TTLL7: variants seen among roughly 807,000 people sequenced by gnomAD.
TTLL7 encodes tubulin polyglutamylase TTLL7.
A neutral mutation model predicts 120.2 loss-of-function variants in TTLL7; 53 were observed. The ratio of observed to expected loss-of-function variants is 0.44; its 90% confidence interval spans 0.35 to 0.55. The LOEUF is 0.55. Ranked by LOEUF, TTLL7 falls within the 20% of genes least tolerant of loss-of-function variation. The pLI is 0.00. For synonymous variants in TTLL7, 353 were observed against 351.7 expected, an observed-to-expected ratio of 1.00 and a Z score of -0.04; for missense variants, 803 against 1,054.7, an observed-to-expected ratio of 0.76 and a Z score of 3.31.
At chr1:83,977,643 A>G (rs985412869) in intron 1 of TTLL7, among the ~76,000 whole-genome samples, 1 of 152,134 alleles carries the variant, frequency 6.6e-6, no homozygotes, top group Admixed American at 6.6e-5. Flanking sequence ...ATGATGTCCA[A>G]AGTAGGTAAA....
chr1:83,883,414 T>C (rs1654699740), intron 19 of TTLL7, among the ~76,000 whole-genome samples: 1 of 151,942 alleles, frequency 6.6e-6, no homozygotes. Flanking sequence ...TGTCTCACTA[T>C]GTTGCCCAGA....
chr1:83,916,424 A>C (rs1658192326), intron 14 of TTLL7, among the ~76,000 whole-genome samples: 1 of 146,376 alleles, frequency 6.8e-6, no homozygotes, highest in Non-Finnish European at 1.5e-5. Context: ...TCTCACTCAT[A>C]GGTGGGAATT....
chr1:83,968,302 T>C (rs1225504318), intron 1 of TTLL7, among the ~76,000 whole-genome samples: 1 of 151,966 alleles, frequency 6.6e-6, no homozygotes. Context: ...AATCCAAAAA[T>C]GAGGTTGCCT....
At chr1:83,965,125 A>T (rs942423980) in intron 1 of TTLL7, among the ~76,000 whole-genome samples, 1 of 151,590 alleles carries the variant, frequency 6.6e-6, no homozygotes, top group African/African-American at 2.4e-5. Context: ...ATTTTTTTTT[A>T]AAATAGACTT....
At chr1:83,891,387 T>C (rs77531191) in intron 18 of TTLL7, among the ~76,000 whole-genome samples, 6,338 of 152,158 alleles carry the variant, frequency 0.042, 156 homozygotes, top group Middle Eastern at 0.099. Context: ...TCCATGTAGC[T>C]GACAAAAATT....
intron 1 of TTLL7, among the ~76,000 whole-genome samples, chr1:83,993,918 C>T (rs1320359583): frequency 6.6e-6 from 1 of 152,164 alleles, no homozygotes; most frequent in Non-Finnish European, 1.5e-5. Context: ...AATACTCAAG[C>T]TTATTTAAGT....
At chr1:83,907,054 T>G (rs1205177686) in intron 16 of TTLL7, among the ~76,000 whole-genome samples, 1 of 152,072 alleles carries the variant, frequency 6.6e-6, no homozygotes, top group Non-Finnish European at 1.5e-5. Context: ...ACTTAAGTGC[T>G]CTAAGGAGAA....
intron 10 of TTLL7, among the ~76,000 whole-genome samples, chr1:83,925,576 A>C (rs1005996412): frequency 3.3e-5 from 5 of 152,188 alleles, no homozygotes; most frequent in African/African-American, 9.6e-5. Flanking sequence ...TGGAGAAATA[A>C]AGTGATAGTC....
chr1:83,990,808 A>AG (rs1390945970), intron 1 of TTLL7, among the ~76,000 whole-genome samples: 1 of 152,190 alleles, frequency 6.6e-6, no homozygotes, highest in Non-Finnish European at 1.5e-5. Flanking sequence ...AAAATTAAAA[A>AG]TAGAACTACC....
At chr1:83,910,973 T>C (rs1019558628) in intron 15 of TTLL7, among the ~76,000 whole-genome samples, 192 bp downstream of exon 15, 1 of 152,092 alleles carries the variant, frequency 6.6e-6, no homozygotes, top group Non-Finnish European at 1.5e-5. Flanking sequence ...GCCCTTTCGT[T>C]TTCTATTTGC....
At chr1:83,950,544 C>A (rs993280045) in intron 3 of TTLL7, among the ~76,000 whole-genome samples, 2 of 152,188 alleles carry the variant, frequency 1.3e-5, no homozygotes, top group African/African-American at 4.8e-5. Context: ...TCTAATCCTA[C>A]TGAAAACGTT....
intron 19 of TTLL7, among the ~76,000 whole-genome samples, 178 bp from the exon 20 acceptor site, chr1:83,883,314 T>G (rs1424727938): frequency 1.3e-5 from 2 of 152,064 alleles, no homozygotes; most frequent in African/African-American, 4.8e-5. Flanking sequence ...AATCTTTATA[T>G]TAAAGAAATA....
At chr1:83,958,647 T>C (rs1033033628) in intron 1 of TTLL7, among the ~76,000 whole-genome samples, 2 of 152,250 alleles carry the variant, frequency 1.3e-5, no homozygotes, top group East Asian at 1.9e-4. Flanking sequence ...AAATTTGATA[T>C]ATGCTTTCTC....
At chr1:83,870,208 T>G (rs1253465938) in intron 20 of TTLL7, 126 bp from the exon 21 acceptor site, 1 of 859,748 alleles carries the variant, frequency 1.2e-6, no homozygotes, top group Non-Finnish European at 1.7e-6. Flanking sequence ...ATGCAATTCA[T>G]ATAAAAAGAT....
chr1:83,991,951 A>G (rs1052674987), intron 1 of TTLL7, among the ~76,000 whole-genome samples: 13 of 152,284 alleles, frequency 8.5e-5, no homozygotes, highest in African/African-American at 2.6e-4. Flanking sequence ...ATACTCTCTT[A>G]AGCACAATAT....
rs1456262605 is a variant in TTLL7 at position 83,907,464 on chromosome 1, A to G, written c.1984T>C (p.Ser662Pro). Residue 662 changes from serine (S) to proline (P), a missense_variant, in exon 16 of 21, where the codon TCT becomes CCT. Coordinates refer to ENST00000260505, the MANE Select transcript of TTLL7 (RefSeq NM_024686.6). Reference sequence around the variant, plus strand: ...CAAAACAGATGACCTACCACTTGAGAGTTGGTAGAGCAGGCATCATTACTG... The same window carrying G: ...CAAAACAGATGACCTACCACTTGAGGGTTGGTAGAGCAGGCATCATTACTG... ...PHSNDACSTN[S>P]QVSESLRQLK... The G allele has an allele frequency of 6.2e-7, 1 of 1,612,452 alleles. No individual in the cohort carries two copies. The highest frequency in any genetic ancestry group is 2.2e-5 in the East Asian group (1 of 44,844).
chr1:83,877,424 C>T (rs890468331), intron 20 of TTLL7, among the ~76,000 whole-genome samples: 9 of 151,970 alleles, frequency 5.9e-5, no homozygotes, highest in Non-Finnish European at 1.3e-4. Flanking sequence ...CTTTGCTGTT[C>T]TCTGGGTGGG....
At chr1:83,886,458 C>G (rs1217265084) in intron 19 of TTLL7, among the ~76,000 whole-genome samples, 2 of 151,894 alleles carry the variant, frequency 1.3e-5, no homozygotes, top group Non-Finnish European at 2.9e-5. Flanking sequence ...AACAACACAT[C>G]CAATTGAAAG....
intron 1 of TTLL7, among the ~76,000 whole-genome samples, chr1:83,998,345 C>T (rs1653672436): frequency 6.6e-6 from 1 of 152,116 alleles, no homozygotes; most frequent in African/African-American, 2.4e-5. Context: ...TCAAACCCAC[C>T]CAGAATACAA....
Sources: allele counts gnomAD v4.1 joint callset (sites outside exome capture counted in the v4.1 genomes callset), GRCh38; gene constraint gnomAD v4.1.1; transcripts MANE v1.5; gene names NCBI Gene and HGNC (gene_info 2026-07-23, HGNC 2026-07-21).